The following PRKG1 variants were observed in gnomAD, a reference collection of about 807,000 sequenced individuals.
The protein encoded by PRKG1 is cGMP-dependent protein kinase 1.
A neutral mutation model predicts 88.1 loss-of-function variants in PRKG1; 35 were observed. That is an observed-to-expected ratio of 0.40 (90% CI 0.30 to 0.53). The LOEUF is 0.53. PRKG1 is among the 20% of genes least tolerant of loss of function. The pLI is 0.59. For synonymous variants in PRKG1, 303 were observed against 292.5 expected, an observed-to-expected ratio of 1.04 and a Z score of -0.37; for missense variants, 540 against 839.8, an observed-to-expected ratio of 0.64 and a Z score of 4.41.
chr10:51,192,737 G>C (rs1281996557), intron 2 of PRKG1, among the ~76,000 whole-genome samples: 1 of 151,954 alleles, frequency 6.6e-6, no homozygotes. Flanking sequence ...ATGATAAAGA[G>C]AAGTAAAAAA....
intron 2 of PRKG1, among the ~76,000 whole-genome samples, chr10:51,439,591 A>T (rs1839036810): frequency 6.6e-6 from 1 of 151,878 alleles, no homozygotes; most frequent in Non-Finnish European, 1.5e-5. Context: ...TGGATTTTCA[A>T]GTACAGTCAA....
intron 7 of PRKG1, among the ~76,000 whole-genome samples, chr10:52,066,590 G>A (rs867748227): frequency 6.6e-6 from 1 of 152,108 alleles, no homozygotes; most frequent in South Asian, 2.1e-4. Flanking sequence ...TTGACCATGG[G>A]GGGCAGGCTA....
At chr10:52,180,638 C>CT (rs1317345853) in intron 9 of PRKG1, among the ~76,000 whole-genome samples, 4 of 151,928 alleles carry the variant, frequency 2.6e-5, no homozygotes, top group African/African-American at 4.8e-5. Context: ...GTTTCTTCAG[C>CT]TGTAATCCAT....
chr10:51,600,995 CA>C (rs1838583116), intron 3 of PRKG1, among the ~76,000 whole-genome samples: 1 of 121,086 alleles, frequency 8.3e-6, no homozygotes, highest in African/African-American at 3.4e-5. Context: ...AGGAAGACAG[CA>C]GGGGGAGGGG....
chr10:51,291,949 C>G (rs1313871277), intron 2 of PRKG1, among the ~76,000 whole-genome samples: 1 of 152,142 alleles, frequency 6.6e-6, no homozygotes, highest in Non-Finnish European at 1.5e-5. Flanking sequence ...ACTTCTGAGT[C>G]TAAAACCTAA....
chr10:51,395,271 T>C (rs942046057), intron 2 of PRKG1, among the ~76,000 whole-genome samples: 5 of 152,182 alleles, frequency 3.3e-5, no homozygotes, highest in African/African-American at 1.2e-4. Context: ...TGCCACCACC[T>C]CTCTCCACAT....
intron 2 of PRKG1, among the ~76,000 whole-genome samples, chr10:51,407,483 A>G (rs1403567327): frequency 1.3e-5 from 2 of 152,222 alleles, no homozygotes; most frequent in Admixed American, 1.3e-4. Context: ...TGGTACAATT[A>G]TATACATGCA....
intron 5 of PRKG1, among the ~76,000 whole-genome samples, chr10:51,974,878 A>G (rs1472101485): frequency 6.6e-6 from 1 of 152,172 alleles, no homozygotes; most frequent in Non-Finnish European, 1.5e-5. Flanking sequence ...AAGTCAGTAC[A>G]GTAGCTTATA....
chr10:51,659,350 G>T (rs1200368444), intron 3 of PRKG1, among the ~76,000 whole-genome samples: 1 of 152,116 alleles, frequency 6.6e-6, no homozygotes, highest in East Asian at 1.9e-4. Context: ...GCATTTTAGA[G>T]AAGAGTCTTG....
At chr10:51,578,021 A>G (rs1837932621) in intron 3 of PRKG1, among the ~76,000 whole-genome samples, 1 of 152,110 alleles carries the variant, frequency 6.6e-6, no homozygotes, top group Admixed American at 6.6e-5. Flanking sequence ...TTCTCTAATC[A>G]TGTTCATTTT....
chr10:51,662,043 C>G (rs1212140482), intron 3 of PRKG1, among the ~76,000 whole-genome samples: 1 of 152,004 alleles, frequency 6.6e-6, no homozygotes, highest in Non-Finnish European at 1.5e-5. Context: ...CACTTGGATA[C>G]AGAGCAGGGA....
chr10:52,155,835 G>A (rs1274351543), intron 8 of PRKG1, among the ~76,000 whole-genome samples: 1 of 151,548 alleles, frequency 6.6e-6, no homozygotes, highest in Admixed American at 6.6e-5. Context: ...ACCCTGTCCT[G>A]GAAAAGACTG....
chr10:51,981,512 G>A (rs1844009850), intron 5 of PRKG1, among the ~76,000 whole-genome samples: 1 of 152,064 alleles, frequency 6.6e-6, no homozygotes, highest in Non-Finnish European at 1.5e-5. Context: ...CTGGAACCTG[G>A]GAGGCATAGG....
intron 2 of PRKG1, among the ~76,000 whole-genome samples, chr10:51,308,310 G>A (rs1051104334): frequency 6.6e-6 from 1 of 152,058 alleles, no homozygotes; most frequent in African/African-American, 2.4e-5. Context: ...GTCTCTGCCT[G>A]TTTCACTATT....
intron 3 of PRKG1, among the ~76,000 whole-genome samples, chr10:51,603,732 T>C (rs1157641427): frequency 6.6e-6 from 1 of 152,164 alleles, no homozygotes; most frequent in Non-Finnish European, 1.5e-5. Context: ...GGAAGACAAA[T>C]AATACACTAG....
intron 2 of PRKG1, among the ~76,000 whole-genome samples, chr10:51,287,839 ATTG>A (rs1205775785): frequency 3.3e-5 from 5 of 152,244 alleles, no homozygotes; most frequent in South Asian, 4.2e-4. Flanking sequence ...TTTTGCAATT[ATTG>A]TTAAGAGCTT....
intron 2 of PRKG1, among the ~76,000 whole-genome samples, chr10:51,435,207 T>C (rs1838886300): frequency 6.6e-6 from 1 of 152,028 alleles, no homozygotes; most frequent in African/African-American, 2.4e-5. Flanking sequence ...GCATGACAAA[T>C]TGATAAACAT....
chr10:51,554,218 T>G (rs984027671), intron 3 of PRKG1, among the ~76,000 whole-genome samples: 1 of 147,406 alleles, frequency 6.8e-6, no homozygotes, highest in African/African-American at 2.5e-5. Context: ...TATATGTATA[T>G]TATATATGCA....
chr10:51,505,536 A>G (rs1322676894), intron 3 of PRKG1, among the ~76,000 whole-genome samples: 1 of 152,186 alleles, frequency 6.6e-6, no homozygotes, highest in Non-Finnish European at 1.5e-5. Context: ...GAACAGTTTC[A>G]GAAGGAATGG....
Sources: gnomAD v4.1 joint callset for allele counts (sites outside exome capture counted in the v4.1 genomes callset) on GRCh38, gnomAD v4.1.1 for gene constraint, MANE v1.5 for transcripts, NCBI Gene and HGNC (gene_info 2026-07-23, HGNC 2026-07-21) for gene names.